LMLN: variants seen among roughly 807,000 people sequenced by gnomAD.
LMLN encodes the protein leishmanolysin like peptidase, also known as leishmanolysin-like peptidase.
In LMLN, 70 loss-of-function variants were observed where a neutral mutation model predicts 92.3. That is an observed-to-expected ratio of 0.76 (90% CI 0.63 to 0.92). The LOEUF is 0.92. LMLN is among the 40% of genes least tolerant of loss of function. The probability of loss-of-function intolerance (pLI) is 0.00; values close to 1 mark genes in which losing one functional copy is unlikely to be tolerated. For synonymous variants in LMLN, 308 were observed against 296.2 expected (o/e 1.04, Z -0.41); for missense variants, 691 against 814.6 (o/e 0.85, Z 1.85).
chr3:198,032,801 A>G (rs1489938486), intron 14 of LMLN, among the ~76,000 whole-genome samples: 2 of 152,232 alleles, frequency 1.3e-5, no homozygotes, highest in African/African-American at 4.8e-5. Flanking sequence ...TCATATTTCA[A>G]CAGAAGATTT....
intron 14 of LMLN, among the ~76,000 whole-genome samples, chr3:198,033,223 C>T (rs1157038635): frequency 6.6e-6 from 1 of 152,202 alleles, no homozygotes; most frequent in Non-Finnish European, 1.5e-5. Context: ...CCTGTAACAT[C>T]TGCCCGGCAG....
chr3:198,024,113 G>A (rs779110304), intron 13 of LMLN, among the ~76,000 whole-genome samples: 22 of 151,698 alleles, frequency 1.5e-4, no homozygotes, highest in Non-Finnish European at 2.8e-4. Context: ...CCTAGAAAAC[G>A]TTGGGCCCAG....
intron 11 of LMLN, among the ~76,000 whole-genome samples, chr3:198,012,732 A>G (rs945703762): frequency 1.3e-5 from 2 of 150,242 alleles, no homozygotes; most frequent in African/African-American, 4.9e-5. Context: ...TACCCTTCAG[A>G]GCCCCCTAAC....
intron 3 of LMLN, 43 bp from the exon 4 acceptor site, chr3:197,975,986 T>C (rs377707646): frequency 3.3e-4 from 385 of 1,166,990 alleles, no homozygotes; most frequent in South Asian, 1.2e-3. Flanking sequence ...AATTTATCTC[T>C]TCCTTATAAT....
At chr3:198,002,803 A>G (rs1722210410) in intron 11 of LMLN, among the ~76,000 whole-genome samples, 1 of 152,236 alleles carries the variant, frequency 6.6e-6, no homozygotes, top group Non-Finnish European at 1.5e-5. Flanking sequence ...AAAGTATTTA[A>G]TACCTCCATC....
At chr3:197,983,855 TGTCC>T in intron 6 of LMLN, 84 bp from the exon 7 acceptor site, 1 of 812,358 alleles carries the variant, frequency 1.2e-6, no homozygotes, top group Non-Finnish European at 2.0e-6. Context: ...AAGATTTTTC[TGTCC>T]TTGAGCAGTA....
chr3:197,969,830 T>C (rs1277455071), intron 1 of LMLN, among the ~76,000 whole-genome samples: 1 of 152,318 alleles, frequency 6.6e-6, no homozygotes, highest in South Asian at 2.1e-4. Flanking sequence ...TATTAATATA[T>C]GACTTCTTTA....
chr3:198,031,777 T>G lies in LMLN; in HGVS notation c.1657-4056T>G, dbSNP rs1560157392. Reference sequence around the variant, plus strand: ...AAAATTTAATGGGTTGATTCTATTTTTGGTGATCATTAACAGCCTGTTCAT... The same window carrying G: ...AAAATTTAATGGGTTGATTCTATTTGTGGTGATCATTAACAGCCTGTTCAT... On this transcript the variant is annotated intron_variant, in intron 14 of 15. Transcript: ENST00000330198. The surrounding 1 kb of genome is among the most constrained non-coding windows in gnomAD (Gnocchi z 4.8). 6.6e-6 allele frequency among the ~76,000 whole-genome samples: 1 copy of G among 152,114 alleles called. No homozygotes were observed. The highest frequency in any genetic ancestry group is 2.4e-5 in the African/African-American group (1 of 41,416).
chr3:197,964,548 G>A (rs954248644), intron 1 of LMLN, among the ~76,000 whole-genome samples: 15 of 151,584 alleles, frequency 9.9e-5, no homozygotes, highest in East Asian at 7.8e-4. Context: ...ACAGGTGCAC[G>A]CCACCACACC....
exon 8 of LMLN, chr3:197,985,858 A>C: frequency 6.2e-7 from 1 of 1,612,960 alleles, no homozygotes; most frequent in Non-Finnish European, 8.5e-7. Context: ...TCACTTCAAG[A>C]TTTGCAGATG....
intron 11 of LMLN, among the ~76,000 whole-genome samples, chr3:198,007,417 C>A (rs1183808313): frequency 1.3e-5 from 2 of 150,902 alleles, no homozygotes; most frequent in East Asian, 1.9e-4. Flanking sequence ...GGCTTTAGCA[C>A]CATTTGTTGA....
chr3:198,029,764 TTTCAA>T, intron 14 of LMLN, among the ~76,000 whole-genome samples: 1 of 152,320 alleles, frequency 6.6e-6, no homozygotes, highest in Middle Eastern at 3.4e-3. Context: ...GAGTCTTCAC[TTTCAA>T]TTCTTAGTTG....
exon 3 of LMLN, chr3:197,975,049 C>A (rs1429323673): frequency 2.0e-6 from 3 of 1,484,828 alleles, no homozygotes; most frequent in East Asian, 4.5e-5. Context: ...CAGGTTGCTC[C>A]CTGAGAAAAA....
intron 14 of LMLN, among the ~76,000 whole-genome samples, chr3:198,032,567 C>A (rs1450999008): frequency 6.6e-6 from 1 of 152,186 alleles, no homozygotes; most frequent in South Asian, 2.1e-4. Context: ...GTGCTGTCAT[C>A]GGCTTCTGGT....
At chr3:197,989,984 C>G (rs946957714) in intron 8 of LMLN, among the ~76,000 whole-genome samples, 3 of 152,250 alleles carry the variant, frequency 2.0e-5, no homozygotes, top group African/African-American at 7.2e-5. Flanking sequence ...AAGTGATCCT[C>G]TTGCCTCAGC....
exon 16 of LMLN, chr3:198,043,243 G>C (rs899371340): frequency 1.3e-5 from 2 of 152,294 alleles, no homozygotes; most frequent in Non-Finnish European, 2.9e-5. Flanking sequence ...CAGAATTGCT[G>C]TCTGTGCTGG....
chr3:197,974,970 A>G (rs1255401493), intron 2 of LMLN, 72 bp from the exon 3 acceptor site: 6 of 1,012,498 alleles, frequency 5.9e-6, no homozygotes, highest in African/African-American at 5.0e-5. Context: ...GCCCATTTTT[A>G]TGGTTATTTC....
At chr3:197,967,205 C>T (rs1721083067) in intron 1 of LMLN, among the ~76,000 whole-genome samples, 1 of 152,172 alleles carries the variant, frequency 6.6e-6, no homozygotes, top group Non-Finnish European at 1.5e-5. Flanking sequence ...CTGTAGTTTT[C>T]TTTTCCTCTC....
intron 12 of LMLN, among the ~76,000 whole-genome samples, 175 bp from the exon 14 acceptor site, chr3:198,021,271 C>G (rs773359050): frequency 6.6e-6 from 1 of 152,210 alleles, no homozygotes; most frequent in African/African-American, 2.4e-5. Flanking sequence ...CAACCTTTAA[C>G]TACTCCTCTG....
Sources: gnomAD v4.1 joint callset for allele counts (sites outside exome capture counted in the v4.1 genomes callset) on GRCh38, gnomAD v4.1.1 for gene constraint, Gnocchi (gnomAD v3.1) non-coding constraint, MANE v1.5 for transcripts, NCBI Gene and HGNC (gene_info 2026-07-23, HGNC 2026-07-21) for gene names.